Variants in LRSAM1 observed in about 807,000 individuals in gnomAD.
LRSAM1 encodes the protein leucine rich repeat and sterile alpha motif containing 1.
LRSAM1 carries 96 observed loss-of-function variants against 118.1 expected under a neutral mutation model. The observed-to-expected ratio is 0.81, with a 90% confidence interval of 0.69 to 0.96. The LOEUF (loss-of-function observed/expected upper bound fraction) is 0.96. LRSAM1 is among the 40% of genes least tolerant of loss of function. LRSAM1 has a pLI of 0.00. For missense variants in LRSAM1, 804 were observed against 915.5 expected (o/e 0.88, Z 1.57); for synonymous variants, 322 against 364.2 (o/e 0.88, Z 1.32).
chr9:127,484,911 G>A (rs970719905), intron 16 of LRSAM1, among the ~76,000 whole-genome samples: 3 of 150,648 alleles, frequency 2.0e-5, no homozygotes, highest in South Asian at 2.1e-4. Context: ...GGGTTCAAGC[G>A]ATTCTCCTGC....
chr9:127,469,395 G>A (rs1258534294), intron 10 of LRSAM1, among the ~76,000 whole-genome samples: 4 of 151,938 alleles, frequency 2.6e-5, no homozygotes, highest in African/African-American at 7.3e-5. Context: ...ACTTGAACCC[G>A]GGAGGCAGAG....
In LRSAM1 at chr9:127,501,118, A is replaced by T. The variant is rs747342170; in HGVS notation, c.2021A>T (p.Glu674Val). 6.8e-6 allele frequency: 11 copies of T among 1,613,520 alleles called. No individual in the cohort carries two copies. The South Asian group carries it at 1.2e-4, about 18-fold the overall frequency. ...PPAELEVQASECVVCLEREAQ... is the reference protein window; with the variant it reads ...PPAELEVQASVCVVCLEREAQ... ...GCAGAGCTGGAGGTGCAGGCCTCAGAGTGTGTCGTGTGCCTGGAACGGGAG... is the reference window on the plus strand; with the variant it reads ...GCAGAGCTGGAGGTGCAGGCCTCAGTGTGTGTCGTGTGCCTGGAACGGGAG... Residue 674 changes from glutamate (E) to valine (V), a missense_variant, in exon 25 of 26, where the codon GAG becomes GTG. By Grantham distance (121) the Glu-to-Val change is moderately radical (BLOSUM62 -2). Transcript: ENST00000300417.
At chr9:127,460,763 G>T (rs1834703887) in intron 7 of LRSAM1, among the ~76,000 whole-genome samples, 1 of 151,812 alleles carries the variant, frequency 6.6e-6, no homozygotes, top group Admixed American at 6.6e-5. Flanking sequence ...GTGCCTGGGT[G>T]CCCTGGCCCG....
chr9:127,490,415 G>A (rs1371513867), intron 19 of LRSAM1, among the ~76,000 whole-genome samples: 1 of 152,042 alleles, frequency 6.6e-6, no homozygotes, highest in Non-Finnish European at 1.5e-5. Context: ...ATGGGCACAG[G>A]ATAGAGAAGT....
At chr9:127,491,075 G>T (rs79366656) in intron 19 of LRSAM1, 140 bp from the exon 20 acceptor site, 1 of 752,992 alleles carries the variant, frequency 1.3e-6, no homozygotes, top group Non-Finnish European at 2.4e-6. Flanking sequence ...TCCCAGGCCC[G>T]CAGGTTCCCC....
chr9:127,483,996 T>A (rs1835632967), intron 16 of LRSAM1, among the ~76,000 whole-genome samples: 1 of 152,138 alleles, frequency 6.6e-6, no homozygotes, highest in Non-Finnish European at 1.5e-5. Flanking sequence ...GTGGCATTAT[T>A]GTTGTACAAC....
intron 24 of LRSAM1, among the ~76,000 whole-genome samples, chr9:127,498,637 T>TGA (rs1277383217): frequency 6.6e-6 from 1 of 152,244 alleles, no homozygotes; most frequent in Non-Finnish European, 1.5e-5. Flanking sequence ...CAGGGCTTCC[T>TGA]GCTTGTGCCC....
chr9:127,490,729 C>T (rs958312092), intron 19 of LRSAM1, among the ~76,000 whole-genome samples: 1 of 152,186 alleles, frequency 6.6e-6, no homozygotes, highest in Admixed American at 6.5e-5. Flanking sequence ...CAGCACAGGC[C>T]TAGCACATAG....
rs1834889145 is a variant in LRSAM1 at position 127,465,372 on chromosome 9, T to A, written c.529-2368T>A. On this transcript the variant is annotated intron_variant, in intron 9 of 25. Transcript: ENST00000300417. The surrounding 1 kb of genome is among the most constrained non-coding windows in gnomAD (Gnocchi z 4.1). ...CTGCAACCAACCATGGACTCAAACTTTAAATCAGATTTATTTTCAGTTACT... is the reference window on the plus strand; with the variant it reads ...CTGCAACCAACCATGGACTCAAACTATAAATCAGATTTATTTTCAGTTACT... 6.6e-6 allele frequency among the ~76,000 whole-genome samples: 1 copy of A among 152,162 alleles called. No individual in the cohort carries two copies. Among genetic ancestry groups the A allele is most frequent in the South Asian group, 2.1e-4 (1 of 4,830 alleles).
chr9:127,459,416 G>A (rs993262846), intron 7 of LRSAM1, among the ~76,000 whole-genome samples: 6 of 151,504 alleles, frequency 4.0e-5, no homozygotes, highest in Admixed American at 6.6e-5. Context: ...ATGGTGTTTC[G>A]CCTTGTTGGC....
intron 2 of LRSAM1, 56 bp from the exon 3 acceptor site, chr9:127,454,440 G>A (rs970915843): frequency 2.7e-5 from 36 of 1,340,554 alleles, no homozygotes; most frequent in Admixed American, 1.6e-4. Flanking sequence ...TACCTGTCCC[G>A]GGTGTTGGGG....
chr9:127,496,215 G>A (rs1175193538), intron 23 of LRSAM1, 120 bp downstream of exon 23: 1 of 1,426,380 alleles, frequency 7.0e-7, no homozygotes, highest in African/African-American at 1.4e-5. Context: ...TAATGGCCCA[G>A]GGCCACCTTG....
chr9:127,457,018 G>A (rs1411998433), intron 5 of LRSAM1, among the ~76,000 whole-genome samples: 2 of 152,198 alleles, frequency 1.3e-5, no homozygotes, highest in South Asian at 2.1e-4. Context: ...TATTTTCCAC[G>A]TGAAGACGCT....
At chr9:127,462,487 C>A in intron 9 of LRSAM1, 114 bp downstream of exon 9, 1 of 1,541,782 alleles carries the variant, frequency 6.5e-7, no homozygotes, top group Admixed American at 1.7e-5. Context: ...CACAGAGATC[C>A]CAAGGCATGG....
At chr9:127,473,044 T>C (rs1835231109) in intron 10 of LRSAM1, among the ~76,000 whole-genome samples, 1 of 152,208 alleles carries the variant, frequency 6.6e-6, no homozygotes. Context: ...ACATGAAGTA[T>C]TTTATTAAAG....
At chr9:127,495,653 C>T (rs932833005) in intron 22 of LRSAM1, among the ~76,000 whole-genome samples, 1 of 152,176 alleles carries the variant, frequency 6.6e-6, no homozygotes. Flanking sequence ...ACTGAGCCCA[C>T]AGTAGAGCAA....
intron 9 of LRSAM1, among the ~76,000 whole-genome samples, 195 bp from the exon 10 acceptor site, chr9:127,467,545 A>G (rs772587703): frequency 1.2e-4 from 19 of 152,238 alleles, no homozygotes; most frequent in African/African-American, 4.6e-4. Flanking sequence ...AAGGTAGGGC[A>G]TCACACTGCC....
chr9:127,473,927 G>A lies in LRSAM1; in HGVS notation c.746G>A (p.Trp249Ter). 6.2e-7 allele frequency: 1 copy of A among 1,614,236 alleles called. No individual in the cohort carries two copies. The highest frequency in any genetic ancestry group is 8.5e-7 in the Non-Finnish European group (1 of 1,180,038). The part of the protein sequence containing the change: ...TDRFSREELE[W>*]QNRFSDYEKR... ...AGATTCTCAAGGGAGGAGTTAGAGT[G>A]GCAGGTAAGACAAGGCAGCCTGCTG... is the stretch of plus-strand genomic sequence containing the variant. The change falls in exon 11 of 26, where the codon TGG becomes TAG. Residue 249 changes from tryptophan to a stop codon, truncating the protein, a stop_gained. Transcript: ENST00000300417. LOFTEE classifies it high-confidence loss of function.
At chr9:127,459,150 C>T in intron 7 of LRSAM1, 79 bp downstream of exon 7, 1 of 1,422,950 alleles carries the variant, frequency 7.0e-7, no homozygotes, top group Non-Finnish European at 9.8e-7. Flanking sequence ...AATGTTCTGG[C>T]CGGGCTCCAG....
Sources: allele counts gnomAD v4.1 joint callset (sites outside exome capture counted in the v4.1 genomes callset), GRCh38; gene constraint gnomAD v4.1.1; non-coding constraint Gnocchi (gnomAD v3.1); transcripts MANE v1.5; gene names NCBI Gene and HGNC (gene_info 2026-07-23, HGNC 2026-07-21).